The following MCPH1 variants were observed in gnomAD, a reference collection of about 807,000 sequenced individuals.
MCPH1 encodes the protein microcephalin 1, also known as microcephalin.
MCPH1 carries 104 observed loss-of-function variants against 84.5 expected under a neutral mutation model. The observed-to-expected ratio is 1.23, with a 90% CI of 1.05 to 1.45. The LOEUF is 1.45. Ranked by LOEUF, MCPH1 falls within the 40% of genes most tolerant of loss-of-function variation. MCPH1 has a pLI of 0.00. For synonymous variants in MCPH1, 514 were observed against 366.8 expected (o/e 1.40, Z -4.58); for missense variants, 1,498 against 1,005.7 (o/e 1.49, Z -6.62).
At chr8:6,510,853 G>A (rs1814915617) in intron 12 of MCPH1, among the ~76,000 whole-genome samples, 1 of 152,172 alleles carries the variant, frequency 6.6e-6, no homozygotes, top group South Asian at 2.1e-4. Context: ...TCATCCTAAG[G>A]CATGAACTGG....
Position 6,442,106 on chromosome 8 carries a change from A to ACT in MCPH1, c.625_626dup (p.Glu211ValfsTer5). On this transcript the variant is annotated frameshift_variant, in exon 7 of 14. Coordinates refer to ENST00000344683, the MANE Select transcript of MCPH1 (RefSeq NM_024596.5). LOFTEE classifies it high-confidence loss of function. ...CAGCAGTCTCATGATAATCCAAGTAACTCTCTGTGTGAAGCACCTTTGAAC... is the reference window on the plus strand; with the variant it reads ...CAGCAGTCTCATGATAATCCAAGTAACTCTCTCTGTGTGAAGCACCTTTGAAC... 6.2e-7 allele frequency: 1 copy of ACT among 1,613,492 alleles called. No homozygotes were observed. Among genetic ancestry groups the ACT allele is most frequent in the Non-Finnish European group, 8.5e-7 (1 of 1,179,652 alleles).
chr8:6,601,685 A>T (rs1419537841), intron 12 of MCPH1, among the ~76,000 whole-genome samples: 1 of 143,470 alleles, frequency 7.0e-6, no homozygotes, highest in African/African-American at 3.0e-5. Context: ...GCCACTACAC[A>T]CAGTGCATAC....
At chr8:6,510,182 A>G (rs758137166) in intron 12 of MCPH1, among the ~76,000 whole-genome samples, 5 of 151,442 alleles carry the variant, frequency 3.3e-5, no homozygotes, top group Non-Finnish European at 4.4e-5. Flanking sequence ...ATTTTCCATA[A>G]CTATGCTCAA....
chr8:6,513,953 T>G, intron 12 of MCPH1: 1 of 1,090,394 alleles, frequency 9.2e-7, no homozygotes, highest in Non-Finnish European at 1.3e-6. Context: ...TAGCAGAAAT[T>G]CCTTCTGGTG....
At chr8:6,506,516 C>T (rs1385982972) in intron 12 of MCPH1, among the ~76,000 whole-genome samples, 2 of 152,310 alleles carry the variant, frequency 1.3e-5, no homozygotes, top group African/African-American at 4.8e-5. Context: ...CTAATAAGCA[C>T]ACCCTTCTCA....
intron 9 of MCPH1, among the ~76,000 whole-genome samples, chr8:6,461,357 G>A (rs541784819): frequency 4.2e-5 from 5 of 119,684 alleles, no homozygotes; most frequent in East Asian, 2.5e-4. Context: ...ATGGAGTCTC[G>A]CTCTGTTGTC....
Position 6,643,379 on chromosome 8 carries a change from C to T in MCPH1, c.*330C>T, listed in dbSNP as rs756516900. On this transcript the variant is annotated 3_prime_UTR_variant, in exon 14 of 14. Coordinates refer to ENST00000344683, the MANE Select transcript of MCPH1 (RefSeq NM_024596.5). ...TCCCAGGTTCAAGCGATTCTGCTGC[C>T]TCAGCCTCCTGAGTAGCTGGGATTA... 5 of 351,746 alleles carry T rather than the reference C, an allele frequency of 1.4e-5. No homozygotes were observed. The highest frequency in any genetic ancestry group is 2.7e-5 in the Non-Finnish European group (5 of 186,216). The allele number at this position is 351,746 out of a possible 1,614,324, so 21.8% of individuals were successfully genotyped here. A position where few individuals can be genotyped will look rare whatever the true frequency, so the allele number is the denominator to read the frequency against.
intron 9 of MCPH1, among the ~76,000 whole-genome samples, chr8:6,462,999 A>G (rs1173680392): frequency 6.6e-6 from 1 of 152,182 alleles, no homozygotes; most frequent in Non-Finnish European, 1.5e-5. Flanking sequence ...ATGACCCTCA[A>G]AACTCTGGGA....
chr8:6,414,533 T>A (rs1190320018), intron 2 of MCPH1, among the ~76,000 whole-genome samples: 1 of 152,202 alleles, frequency 6.6e-6, no homozygotes, highest in African/African-American at 2.4e-5. Flanking sequence ...CCAACTCTAT[T>A]CTTTCAGTAA....
intron 13 of MCPH1, among the ~76,000 whole-genome samples, chr8:6,639,041 T>G (rs1163231779): frequency 1.3e-5 from 2 of 152,200 alleles, no homozygotes; most frequent in African/African-American, 4.8e-5. Context: ...GTACAGACTT[T>G]GTTGTGAGGT....
intron 13 of MCPH1, among the ~76,000 whole-genome samples, chr8:6,630,929 C>T (rs1358124252): frequency 2.0e-5 from 3 of 152,104 alleles, no homozygotes; most frequent in Admixed American, 1.3e-4. Flanking sequence ...GGAATGGTAG[C>T]AAAATGACAG....
At position 6,583,423 on chromosome 8, in the gene MCPH1, G is replaced by A. The variant is rs566397211; in HGVS notation, c.2215-38031G>A. Reference sequence around the variant, plus strand: ...TTTCTTGCGCTGCAAGGCACTGGCTGTGTAATGCAGAATAAAACCGACAAA... The same window carrying A: ...TTTCTTGCGCTGCAAGGCACTGGCTATGTAATGCAGAATAAAACCGACAAA... On this transcript the variant is annotated intron_variant, in intron 12 of 13. Coordinates refer to ENST00000344683, the MANE Select transcript of MCPH1 (RefSeq NM_024596.5). 2.0e-5 allele frequency among the ~76,000 whole-genome samples: 3 copies of A among 152,328 alleles called. No homozygotes were observed. In the East Asian group the frequency reaches 5.8e-4, roughly 29 times the overall value.
chr8:6,545,471 A>G (rs2442596), intron 12 of MCPH1, among the ~76,000 whole-genome samples: 151,451 of 152,334 alleles, frequency 0.99, 75,293 homozygotes, highest in Middle Eastern at 1. Context: ...GTTTTCATCT[A>G]GGAGCACCTA....
At chr8:6,417,192 C>G (rs1245655551) in intron 3 of MCPH1, among the ~76,000 whole-genome samples, 2 of 151,968 alleles carry the variant, frequency 1.3e-5, no homozygotes, top group African/African-American at 2.4e-5. Context: ...TTTTCTGCCC[C>G]GTTTCCTCCT....
chr8:6,632,581 G>A (rs1266420281), intron 13 of MCPH1, among the ~76,000 whole-genome samples: 1 of 152,152 alleles, frequency 6.6e-6, no homozygotes, highest in Non-Finnish European at 1.5e-5. Context: ...AGGCCGAGGG[G>A]GGCGGATCAC....
intron 11 of MCPH1, 130 bp downstream of exon 11, chr8:6,481,006 G>C (rs1809158220): frequency 1.8e-6 from 2 of 1,115,388 alleles, no homozygotes; most frequent in South Asian, 1.3e-5. Context: ...CTGTGAGCTG[G>C]GAACACCCGT....
intron 12 of MCPH1, among the ~76,000 whole-genome samples, chr8:6,583,737 G>A (rs955035458): frequency 2.0e-5 from 3 of 151,354 alleles, no homozygotes; most frequent in Non-Finnish European, 4.4e-5. Flanking sequence ...TCCGAGGCAG[G>A]TTATTCTGTG....
At chr8:6,519,986 C>T (rs147113668) in intron 12 of MCPH1, 1 of 1,613,290 alleles carries the variant, frequency 6.2e-7, no homozygotes, top group African/African-American at 1.3e-5. Context: ...ACAGTGGGGT[C>T]CTTAGCTGCT....
chr8:6,463,538 A>C lies in MCPH1; in HGVS notation c.1935+8286A>C, dbSNP rs547618504. 3.4e-4 allele frequency among the ~76,000 whole-genome samples: 52 copies of C among 152,280 alleles called. 1 individual carries two copies. Among genetic ancestry groups the C allele is most frequent in the African/African-American group, 1.1e-3 (44 of 41,546 alleles). ...CATTTGGGTGTAGCATCCCCAGAGAAGGAGCCTTGCAGTGGAAAGAAGATA... is the reference window on the plus strand; with the variant it reads ...CATTTGGGTGTAGCATCCCCAGAGACGGAGCCTTGCAGTGGAAAGAAGATA... On this transcript the variant is annotated intron_variant, in intron 9 of 13. Coordinates refer to ENST00000344683, the MANE Select transcript of MCPH1 (RefSeq NM_024596.5).
Sources: allele counts gnomAD v4.1 joint callset (sites outside exome capture counted in the v4.1 genomes callset), GRCh38; gene constraint gnomAD v4.1.1; transcripts MANE v1.5; gene names NCBI Gene and HGNC (gene_info 2026-07-23, HGNC 2026-07-21).